Variants in WDR47 observed in about 807,000 individuals in gnomAD.
The protein encoded by WDR47 is WD repeat domain 47.
WDR47 carries 32 observed loss-of-function variants against 97.2 expected under a neutral mutation model. The observed-to-expected ratio is 0.33, with a 90% CI of 0.25 to 0.44. The LOEUF is 0.44. Ranked by LOEUF, WDR47 falls within the 20% of genes least tolerant of loss-of-function variation. The pLI, the probability that WDR47 is intolerant of heterozygous loss-of-function variation, is 1.00. For missense variants in WDR47, 782 were observed against 1,102.3 expected, an observed-to-expected ratio of 0.71 and a Z score of 4.11; for synonymous variants, 375 against 373.5, an observed-to-expected ratio of 1.00 and a Z score of -0.05.
At position 109,023,360 on chromosome 1, in the gene WDR47, G is replaced by A; in HGVS notation, c.153C>T (p.Phe51=). 1 of 1,612,804 alleles carries A rather than the reference G, an allele frequency of 6.2e-7. No individual in the cohort carries two copies. Among genetic ancestry groups the A allele is most frequent in the South Asian group, 1.1e-5 (1 of 90,932 alleles). ...INGLFSDDML[F]LRQLILDGQW... ...ACAGTATAATGAAATCATACCTCAG[G>A]AAAAGCATATCATCTGAAAACAGGC... Residue 51 remains phenylalanine, a synonymous_variant, in exon 2 of 15, where the codon TTC becomes TTT. Coordinates refer to ENST00000369962, the MANE Select transcript of WDR47 (RefSeq NM_001142551.2).
intron 1 of WDR47, among the ~76,000 whole-genome samples, chr1:109,029,884 A>AG (rs1161964594): frequency 2.7e-5 from 4 of 150,834 alleles, no homozygotes; most frequent in African/African-American, 9.7e-5. Context: ...TCAAAAAAAA[A>AG]AAAAGAAAGA....
Position 109,010,909 on chromosome 1 carries a change from T to A in WDR47, c.1130+7A>T. ...AGATTTCCTAATTTTTATAACCAAA[T>A]GCTTACCGCTCAGGGGATTCTTCGT... On this transcript the variant is annotated splice_region_variant and intron_variant, in intron 5 of 14. Transcript: ENST00000369962. 1 of 1,599,936 alleles carries A rather than the reference T, an allele frequency of 6.3e-7. No homozygotes were observed. Among genetic ancestry groups the A allele is most frequent in the Non-Finnish European group, 8.5e-7 (1 of 1,171,432 alleles).
At chr1:109,027,337 T>C (rs1662280200) in intron 1 of WDR47, among the ~76,000 whole-genome samples, 1 of 152,048 alleles carries the variant, frequency 6.6e-6, no homozygotes, top group Non-Finnish European at 1.5e-5. Context: ...ATTACAGGCG[T>C]GAGCCACCAA....
chr1:109,029,838 T>C (rs1243184412), intron 1 of WDR47, among the ~76,000 whole-genome samples: 1 of 148,276 alleles, frequency 6.7e-6, no homozygotes, highest in African/African-American at 2.5e-5. Flanking sequence ...ATCACACCAC[T>C]GCACTCCAGC....
Position 108,991,234 on chromosome 1 carries a change from T to C in WDR47, c.1767+20A>G. Reference sequence around the variant, plus strand: ...CAGGTGCATATGAAAACAATAAAACTTCCTTCCCCAAAGTATTACCTCTTC... The same window carrying C: ...CAGGTGCATATGAAAACAATAAAACCTCCTTCCCCAAAGTATTACCTCTTC... On this transcript the variant is annotated intron_variant, in intron 9 of 14. Coordinates refer to ENST00000369962, the MANE Select transcript of WDR47 (RefSeq NM_001142551.2). 1 of 1,594,306 alleles carries C rather than the reference T, an allele frequency of 6.3e-7. No individual in the cohort carries two copies. Among genetic ancestry groups the C allele is most frequent in the Non-Finnish European group, 8.5e-7 (1 of 1,171,736 alleles).
At chr1:109,025,230 G>C (rs1316287020) in intron 1 of WDR47, among the ~76,000 whole-genome samples, 3 of 151,934 alleles carry the variant, frequency 2.0e-5, no homozygotes, top group Admixed American at 6.6e-5. Flanking sequence ...ATGAGCCCAG[G>C]AGTGCGAGAC....
At chr1:108,982,327 G>A (rs1446410820) in intron 12 of WDR47, among the ~76,000 whole-genome samples, 1 of 152,114 alleles carries the variant, frequency 6.6e-6, no homozygotes, top group Non-Finnish European at 1.5e-5. Context: ...GAGCCCAGGA[G>A]TTCAAGACCA....
rs1252726763 is a variant in WDR47, at chr1:109,021,348, T to C, written c.158+2007A>G. Among the ~76,000 whole-genome samples, 4 of 151,820 alleles carry C rather than the reference T, an allele frequency of 2.6e-5. No homozygotes were observed. The South Asian group carries it at 8.3e-4, about 32-fold the overall frequency. On this transcript the variant is annotated intron_variant, in intron 2 of 14. Coordinates refer to ENST00000369962, the MANE Select transcript of WDR47 (RefSeq NM_001142551.2). ...TTTGAGACCAGCCTTGCCAAAATGG[T>C]GAAACCTTGCCTCTACTAAAAATAC...
intron 1 of WDR47, among the ~76,000 whole-genome samples, chr1:109,039,897 G>A (rs560597064): frequency 6.6e-6 from 1 of 151,898 alleles, no homozygotes; most frequent in African/African-American, 2.4e-5. Flanking sequence ...GTAGCCGGGC[G>A]TGGTGGCAGG....
At chr1:109,028,889 T>A (rs1251973099) in intron 1 of WDR47, among the ~76,000 whole-genome samples, 1 of 152,178 alleles carries the variant, frequency 6.6e-6, no homozygotes, top group Non-Finnish European at 1.5e-5. Flanking sequence ...CTATATTCCA[T>A]CCTTGCCTTT....
chr1:108,973,412 A>T (rs1233103350), intron 14 of WDR47, among the ~76,000 whole-genome samples: 3 of 152,204 alleles, frequency 2.0e-5, no homozygotes, highest in Admixed American at 2.0e-4. Context: ...CTAAAATATA[A>T]GCTCCATCAG....
At chr1:109,019,813 T>C (rs1391483079) in intron 2 of WDR47, among the ~76,000 whole-genome samples, 1 of 152,228 alleles carries the variant, frequency 6.6e-6, no homozygotes, top group East Asian at 1.9e-4. Flanking sequence ...ATCCAAAAGT[T>C]ACAAGGCATT....
At chr1:108,973,396 T>G (rs1333278190) in intron 14 of WDR47, among the ~76,000 whole-genome samples, 2 of 152,224 alleles carry the variant, frequency 1.3e-5, no homozygotes, top group Non-Finnish European at 2.9e-5. Context: ...TACTTTTTAT[T>G]GACCTCTAAA....
intron 3 of WDR47, among the ~76,000 whole-genome samples, chr1:109,014,876 A>G (rs1358683506): frequency 2.0e-5 from 3 of 152,200 alleles, no homozygotes; most frequent in Non-Finnish European, 4.4e-5. Flanking sequence ...GAAAAAAATA[A>G]TGAACCTTCA....
intron 9 of WDR47, among the ~76,000 whole-genome samples, chr1:108,988,092 A>G (rs1557923361): frequency 6.6e-6 from 1 of 151,258 alleles, no homozygotes; most frequent in Non-Finnish European, 1.5e-5. Context: ...AAAAAAAAAA[A>G]ATTTTAGACG....
intron 1 of WDR47, among the ~76,000 whole-genome samples, chr1:109,027,851 T>C (rs1662319729): frequency 6.6e-6 from 1 of 152,100 alleles, no homozygotes; most frequent in Non-Finnish European, 1.5e-5. Context: ...CTATTTCCTG[T>C]AATCCTAGCT....
intron 3 of WDR47, among the ~76,000 whole-genome samples, chr1:109,014,451 G>A (rs182636455): frequency 1.3e-4 from 19 of 145,698 alleles, no homozygotes; most frequent in Non-Finnish European, 2.4e-4. Context: ...TTTTTTTTTA[G>A]AGACAGAGTC....
intron 2 of WDR47, 115 bp from the exon 3 acceptor site, chr1:109,017,716 CATTTTATTTGATTCCTCAAATAA>C: frequency 1.3e-6 from 1 of 782,370 alleles, no homozygotes; most frequent in Non-Finnish European, 2.0e-6. Flanking sequence ...ATGAGATTAA[CATTTTATTTGATTCCTCAAATAA>C]ATTTTTCATA....
At chr1:109,002,786 A>G (rs1660314203) in intron 6 of WDR47, among the ~76,000 whole-genome samples, 3 of 152,236 alleles carry the variant, frequency 2.0e-5, no homozygotes, top group Admixed American at 1.3e-4. Flanking sequence ...AATAAACATA[A>G]TGAGATACCA....
Sources: allele counts gnomAD v4.1 joint callset (sites outside exome capture counted in the v4.1 genomes callset), GRCh38; gene constraint gnomAD v4.1.1; transcripts MANE v1.5; gene names NCBI Gene and HGNC (gene_info 2026-07-23, HGNC 2026-07-21).